Variants in RFX6 observed in about 807,000 individuals in gnomAD.
RFX6 encodes regulatory factor X6.
RFX6 carries 50 observed loss-of-function variants against 110.8 expected under a neutral mutation model. That is an observed-to-expected ratio of 0.45 (90% CI 0.36 to 0.57). The LOEUF is 0.57. Among genes scored for constraint, RFX6 ranks in the 20% least tolerant of loss-of-function variants. The pLI, the probability that RFX6 is intolerant of heterozygous loss-of-function variation, is 0.00. For synonymous variants in RFX6, 383 were observed against 411.2 expected, an observed-to-expected ratio of 0.93 and a Z score of 0.83; for missense variants, 990 against 1,127.0, an observed-to-expected ratio of 0.88 and a Z score of 1.74.
chr6:116,923,349 T>G (rs1775643102), intron 14 of RFX6, 125 bp downstream of exon 14: 1 of 715,990 alleles, frequency 1.4e-6, no homozygotes, highest in South Asian at 1.5e-5. Context: ...AATATGGAGC[T>G]ATGAGAAAAT....
intron 9 of RFX6, 71 bp downstream of exon 9, chr6:116,916,385 A>C (rs1195654699): frequency 2.1e-6 from 2 of 943,466 alleles, no homozygotes; most frequent in Non-Finnish European, 3.5e-6. Context: ...AAATTCTTGC[A>C]ATATATTTTC....
intron 5 of RFX6, among the ~76,000 whole-genome samples, chr6:116,894,518 C>A (rs1481332684): frequency 6.6e-6 from 1 of 152,022 alleles, no homozygotes; most frequent in Non-Finnish European, 1.5e-5. Context: ...ATCCTCTTAC[C>A]TTATGAGGGT....
In RFX6 at chr6:116,906,740, G is replaced by C. The variant is rs1339713537; in HGVS notation, c.673-4195G>C. 2.4e-4 allele frequency among the ~76,000 whole-genome samples: 29 copies of C among 120,248 alleles called. No homozygotes were observed. The Admixed American group carries it at 2.6e-3, about 11-fold the overall frequency. 78.9% of individuals were successfully genotyped at this position (120,248 alleles called of 152,430 possible). A position where few individuals can be genotyped will look rare whatever the true frequency, so the allele number is the denominator to read the frequency against. ...CTGCTACTTTGTTGAATCCATTTAT[G>C]AGTTGTGTGTGTGTGTGTGTGTGTG... On this transcript the variant is annotated intron_variant, in intron 6 of 18. Coordinates refer to ENST00000332958, the MANE Select transcript of RFX6 (RefSeq NM_173560.4).
intron 6 of RFX6, among the ~76,000 whole-genome samples, chr6:116,903,091 T>A (rs1775110155): frequency 6.6e-6 from 1 of 152,070 alleles, no homozygotes; most frequent in Admixed American, 6.6e-5. Context: ...AGTACGATTG[T>A]AATAGCAAAT....
rs192841498 is a variant in RFX6, at chr6:116,923,319, C to A, written c.1555+95C>A. On this transcript the variant is annotated intron_variant, in intron 14 of 18. Transcript: ENST00000332958. ...TCAATTTTTAAACATGTTACATCAT[C>A]ACTTCTTAAACTGTATCTGAATATG... is the stretch of plus-strand genomic sequence containing the variant. The A allele has an allele frequency of 1.4e-4, 110 of 775,696 alleles. No individual in the cohort carries two copies. In the African/African-American group the frequency reaches 1.7e-3, roughly 12 times the overall value. 48.1% of individuals were successfully genotyped at this position (775,696 alleles called of 1,614,324 possible). A position where few individuals can be genotyped will look rare whatever the true frequency, so the allele number is the denominator to read the frequency against.
intron 4 of RFX6, among the ~76,000 whole-genome samples, chr6:116,889,088 C>A (rs1275520638): frequency 6.6e-6 from 1 of 152,050 alleles, no homozygotes. Context: ...GTGGTCATTG[C>A]AAAATACTGA....
In RFX6 at chr6:116,919,215, TCTAA is replaced by T. The variant is rs781730245; in HGVS notation, c.1104_1107del (p.Asp370ArgfsTer13). The T allele has an allele frequency of 3.1e-6, 5 of 1,613,352 alleles. No homozygotes were observed. The highest frequency in any genetic ancestry group is 4.2e-6 in the Non-Finnish European group (5 of 1,179,378). ...CATCCTTGGAAAACTTGCCAGAAGC[TCTAA>T]CTGACAAGAAAATACCTATTGTGCG... On this transcript the variant is annotated frameshift_variant, in exon 11 of 19. Coordinates refer to ENST00000332958, the MANE Select transcript of RFX6 (RefSeq NM_173560.4). LOFTEE classifies it high-confidence loss of function.
chr6:116,887,879 G>A (rs1049723482), intron 4 of RFX6, among the ~76,000 whole-genome samples: 1 of 152,186 alleles, frequency 6.6e-6, no homozygotes, highest in Non-Finnish European at 1.5e-5. Context: ...GCTTGGCTAA[G>A]TAAAGGAGAA....
intron 12 of RFX6, among the ~76,000 whole-genome samples, chr6:116,921,468 C>G (rs1157665684): frequency 6.6e-6 from 1 of 152,102 alleles, no homozygotes; most frequent in African/African-American, 2.4e-5. Context: ...TATTTAACTA[C>G]ATAAACAACT....
At chr6:116,896,104 C>A (rs1774938745) in intron 6 of RFX6, among the ~76,000 whole-genome samples, 1 of 152,130 alleles carries the variant, frequency 6.6e-6, no homozygotes, top group Non-Finnish European at 1.5e-5. Context: ...AAAATATTGA[C>A]TTAGAGATAC....
intron 4 of RFX6, among the ~76,000 whole-genome samples, chr6:116,887,324 G>T (rs1582511752): frequency 6.6e-6 from 1 of 152,056 alleles, no homozygotes; most frequent in Admixed American, 6.6e-5. Flanking sequence ...GTGCTTTGGG[G>T]ACAAAGCCAG....
chr6:116,918,018 C>G lies in RFX6; in HGVS notation c.973-19C>G. ...ATACTAAGTAAAGATTTGTATTAACCTCTTTTGCTATGATTAAGGTTCTTA... is the reference window on the plus strand; with the variant it reads ...ATACTAAGTAAAGATTTGTATTAACGTCTTTTGCTATGATTAAGGTTCTTA... On this transcript the variant is annotated intron_variant, in intron 9 of 18. Transcript: ENST00000332958. 6.4e-7 allele frequency: 1 copy of G among 1,570,942 alleles called. No homozygotes were observed. The highest frequency in any genetic ancestry group is 8.8e-7 in the Non-Finnish European group (1 of 1,142,458).
intron 9 of RFX6, among the ~76,000 whole-genome samples, chr6:116,917,776 T>C (rs1775499970): frequency 6.6e-6 from 1 of 152,126 alleles, no homozygotes; most frequent in African/African-American, 2.4e-5. Flanking sequence ...TAAAACGGTA[T>C]ATGATTACCA....
intron 12 of RFX6, among the ~76,000 whole-genome samples, chr6:116,921,126 C>T (rs1178633573): frequency 2.0e-5 from 3 of 152,134 alleles, no homozygotes; most frequent in Non-Finnish European, 2.9e-5. Context: ...AAGACAAAAC[C>T]TGCAGCCTCC....
chr6:116,884,145 G>T (rs1175685858), intron 4 of RFX6, among the ~76,000 whole-genome samples: 1 of 152,058 alleles, frequency 6.6e-6, no homozygotes, highest in African/African-American at 2.4e-5. Flanking sequence ...TCCCATATAT[G>T]TATGTTGAAA....
At chr6:116,881,704 A>C (rs1298920591) in intron 3 of RFX6, among the ~76,000 whole-genome samples, 1 of 152,078 alleles carries the variant, frequency 6.6e-6, no homozygotes, top group Non-Finnish European at 1.5e-5. Flanking sequence ...ACCTTATGGG[A>C]ATAATTCTTA....
intron 6 of RFX6, among the ~76,000 whole-genome samples, chr6:116,897,689 G>T (rs909787942): frequency 1.3e-5 from 2 of 152,206 alleles, no homozygotes; most frequent in Non-Finnish European, 2.9e-5. Context: ...AGGCTATCTG[G>T]ATAGTCTGTG....
chr6:116,905,107 A>G (rs1158490298), intron 6 of RFX6, among the ~76,000 whole-genome samples: 1 of 152,226 alleles, frequency 6.6e-6, no homozygotes, highest in African/African-American at 2.4e-5. Flanking sequence ...ACTGTTTTAC[A>G]TAGCAGCTGT....
chr6:116,904,868 T>C (rs1431861390), intron 6 of RFX6, among the ~76,000 whole-genome samples: 1 of 152,226 alleles, frequency 6.6e-6, no homozygotes, highest in Admixed American at 6.5e-5. Context: ...TAAGGATGAA[T>C]GATATTTCAT....
Sources: allele counts gnomAD v4.1 joint callset (sites outside exome capture counted in the v4.1 genomes callset), GRCh38; gene constraint gnomAD v4.1.1; transcripts MANE v1.5; gene names NCBI Gene and HGNC (gene_info 2026-07-23, HGNC 2026-07-21).